Variants in SARNP observed in about 807,000 individuals in gnomAD.
The protein encoded by SARNP is SAP domain containing ribonucleoprotein.
SARNP carries 5 observed loss-of-function variants against 38.1 expected under a neutral mutation model. The observed-to-expected ratio is 0.13, with a 90% confidence interval of 0.07 to 0.28. The LOEUF (loss-of-function observed/expected upper bound fraction) is 0.28, where lower values mean the gene tolerates loss of function less well. SARNP is among the 10% of genes least tolerant of loss of function. SARNP has a pLI of 1.00. For synonymous variants in SARNP, 84 were observed against 80.6 expected (o/e 1.04, Z -0.23); for missense variants, 180 against 243.9 (o/e 0.74, Z 1.75).
chr12:55,752,716 T>C (rs1878363816), downstream of SARNP: 1 of 152,218 alleles, frequency 6.6e-6, no homozygotes, highest in African/African-American at 2.4e-5. Context: ...AGATCAAGGC[T>C]TCCTGGAGGG....
At chr12:55,757,926 G>C (rs975928898) in intron 10 of SARNP, among the ~76,000 whole-genome samples, 2 of 152,172 alleles carry the variant, frequency 1.3e-5, no homozygotes, top group Admixed American at 6.5e-5. Context: ...CCAGTCAATG[G>C]GGAGACGGAA....
chr12:55,784,258 C>T (rs1195610045), intron 9 of SARNP, among the ~76,000 whole-genome samples: 2 of 152,200 alleles, frequency 1.3e-5, no homozygotes, highest in African/African-American at 4.8e-5. Context: ...ATATAGAAGG[C>T]TACACTGGAA....
At chr12:55,758,291 A>G (rs1488367198) in intron 10 of SARNP, among the ~76,000 whole-genome samples, 1 of 152,212 alleles carries the variant, frequency 6.6e-6, no homozygotes, top group African/African-American at 2.4e-5. Context: ...GTGTTAGCTG[A>G]TCTGACTCTA....
At chr12:55,767,614 G>GA (rs1347897222) in intron 9 of SARNP, among the ~76,000 whole-genome samples, 1 of 151,864 alleles carries the variant, frequency 6.6e-6, no homozygotes, top group Non-Finnish European at 1.5e-5. Flanking sequence ...TTGGGAGGCC[G>GA]AGACGGGTGG....
chr12:55,787,607 T>C (rs921931897), intron 9 of SARNP, among the ~76,000 whole-genome samples: 2 of 151,994 alleles, frequency 1.3e-5, no homozygotes, highest in African/African-American at 4.8e-5. Flanking sequence ...CAGCTAATTT[T>C]TGTAGTTTTA....
chr12:55,768,435 A>AT (rs1565671787), intron 9 of SARNP, among the ~76,000 whole-genome samples: 2 of 136,214 alleles, frequency 1.5e-5, no homozygotes, highest in Admixed American at 7.5e-5. Flanking sequence ...CAGCCCTCTT[A>AT]TTTTTTTGAG....
At chr12:55,769,276 A>C (rs367909848) in intron 9 of SARNP, among the ~76,000 whole-genome samples, 5 of 152,308 alleles carry the variant, frequency 3.3e-5, no homozygotes, top group South Asian at 2.1e-4. Context: ...AAAATTAATT[A>C]ATTCATTCAG....
chr12:55,766,607 T>G (rs1160049037), intron 9 of SARNP, among the ~76,000 whole-genome samples: 3 of 80,552 alleles, frequency 3.7e-5, no homozygotes, highest in African/African-American at 1.9e-4. Flanking sequence ...ATTTTGTGGG[T>G]TTTTTTGGCG....
chr12:55,767,339 A>G (rs1288169059), intron 9 of SARNP, among the ~76,000 whole-genome samples: 1 of 151,694 alleles, frequency 6.6e-6, no homozygotes, highest in Admixed American at 6.6e-5. Context: ...TGAGCCCAGG[A>G]GTTCAAGACC....
rs1216711287 is a variant in SARNP, at chr12:55,806,054, ATTT to A, written c.37-2329_37-2327del. On this transcript the variant is annotated intron_variant, in intron 1 of 10. Coordinates refer to ENST00000336133, the MANE Select transcript of SARNP (RefSeq NM_033082.4). ...TTCTGTCTCAAAAAAAAAAAAAATT[ATTT>A]TTAAGGCTTTTGCCAGTTTTAAAAA... 7.3e-5 allele frequency among the ~76,000 whole-genome samples: 11 copies of A among 150,924 alleles called. 1 individual carries two copies. The highest frequency in any genetic ancestry group is 6.0e-4 in the Admixed American group (9 of 15,106).
chr12:55,813,210 C>A (rs953780871), intron 1 of SARNP, among the ~76,000 whole-genome samples: 1 of 152,098 alleles, frequency 6.6e-6, no homozygotes, highest in African/African-American at 2.4e-5. Flanking sequence ...TCCCAAAGTG[C>A]TGGGATTACA....
chr12:55,791,546 T>C (rs1440995844), intron 7 of SARNP, among the ~76,000 whole-genome samples: 1 of 151,856 alleles, frequency 6.6e-6, no homozygotes, highest in Admixed American at 6.6e-5. Flanking sequence ...AATACAAAAA[T>C]CAGCCAGGCG....
rs1253944026 is a variant in SARNP at position 55,817,724 on chromosome 12, G to A, written c.-23C>T. 4.4e-6 allele frequency: 7 copies of A among 1,605,072 alleles called. No homozygotes were observed. Among genetic ancestry groups the A allele is most frequent in the African/African-American group, 2.7e-5 (2 of 74,220 alleles). On this transcript the variant is annotated 5_prime_UTR_variant, in exon 1 of 11. Coordinates refer to ENST00000336133, the MANE Select transcript of SARNP (RefSeq NM_033082.4). The stretch of plus-strand genomic sequence containing the variant: ...CATCTTGTTACCCCTCACTCCACTA[G>A]GCCCCCACCCGCGGCCTCCGCCTCC...
rs1879774330 is a variant in SARNP, at chr12:55,794,850, C to A, written c.334G>T (p.Val112Leu). 1 of 1,560,550 alleles carries A rather than the reference C, an allele frequency of 6.4e-7. No individual in the cohort carries two copies. The highest frequency in any genetic ancestry group is 8.7e-7 in the Non-Finnish European group (1 of 1,147,376). Reference protein sequence around the residue: ...RMQKRAERFNVPVSLESKKAA... With the variant: ...RMQKRAERFNLPVSLESKKAA... ...TTCTTACTCTCCAAGCTCACAGGTA[C>A]ATTGAATCGTTCAGCCCTCTTCTGC... The change falls in exon 6 of 11, where the codon GTA becomes TTA. Residue 112 changes from valine to leucine, a missense_variant. Around this residue, in one of 2 missense-constraint regions of SARNP, gnomAD observed 161 missense variants for 194.1 expected, o/e 0.83. Transcript: ENST00000336133.
intron 1 of SARNP, among the ~76,000 whole-genome samples, chr12:55,811,335 T>C (rs1056843621): frequency 2.0e-5 from 3 of 152,118 alleles, no homozygotes; most frequent in Admixed American, 6.6e-5. Context: ...GGTGGGAGGA[T>C]TGCTCAAAGC....
At chr12:55,788,855 G>A (rs1879583077) in intron 9 of SARNP, among the ~76,000 whole-genome samples, 1 of 152,110 alleles carries the variant, frequency 6.6e-6, no homozygotes, top group Non-Finnish European at 1.5e-5. Context: ...CAGCCTGGGT[G>A]AAAGCTATGA....
downstream of SARNP, chr12:55,753,081 G>C (rs1878376515): frequency 6.6e-6 from 1 of 152,176 alleles, no homozygotes; most frequent in Non-Finnish European, 1.5e-5. Flanking sequence ...CAGGAAACTG[G>C]GGGTACCTAG....
chr12:55,814,762 G>C (rs971971586), intron 1 of SARNP, among the ~76,000 whole-genome samples: 1 of 151,848 alleles, frequency 6.6e-6, no homozygotes, highest in Non-Finnish European at 1.5e-5. Context: ...CCAGCTACTC[G>C]GGAAGCTGAG....
At chr12:55,765,381 T>C (rs533353017) in intron 9 of SARNP, among the ~76,000 whole-genome samples, 2 of 152,302 alleles carry the variant, frequency 1.3e-5, no homozygotes, top group East Asian at 3.9e-4. Context: ...GGCCTCACTC[T>C]GTTGCCATGC....
Sources: gnomAD v4.1 joint callset for allele counts (sites outside exome capture counted in the v4.1 genomes callset) on GRCh38, gnomAD v4.1.1 for gene constraint, gnomAD v4.1.1 regional missense constraint, MANE v1.5 for transcripts, NCBI Gene and HGNC (gene_info 2026-07-23, HGNC 2026-07-21) for gene names.